ASXL2: variants seen among roughly 807,000 people sequenced by gnomAD.
ASXL2 encodes the protein putative Polycomb group protein ASXL2.
In ASXL2, 23 loss-of-function variants were observed where a neutral mutation model predicts 122.0. That is an observed-to-expected ratio of 0.19 (90% confidence interval 0.14 to 0.27). The LOEUF (loss-of-function observed/expected upper bound fraction) is 0.27, where lower values mean the gene tolerates loss of function less well. Ranked by LOEUF, ASXL2 falls within the 10% of genes least tolerant of loss-of-function variation. The pLI, the probability that ASXL2 is intolerant of heterozygous loss-of-function variation, is 1.00. For missense variants in ASXL2, 1,518 were observed against 1,713.8 expected (o/e 0.89, Z 2.02); for synonymous variants, 650 against 637.0 (o/e 1.02, Z -0.31).
At chr2:25,859,465 C>A (rs1336736899) in intron 1 of ASXL2, among the ~76,000 whole-genome samples, 4 of 152,060 alleles carry the variant, frequency 2.6e-5, no homozygotes, top group African/African-American at 9.7e-5. Flanking sequence ...TAGGTATATA[C>A]CTTAAATAAA....
intron 3 of ASXL2, among the ~76,000 whole-genome samples, chr2:25,807,675 A>G (rs1427382829): frequency 6.6e-6 from 1 of 152,210 alleles, no homozygotes; most frequent in African/African-American, 2.4e-5. Context: ...CTATTATTGA[A>G]GTAGTATGTT....
intron 1 of ASXL2, among the ~76,000 whole-genome samples, chr2:25,861,940 G>A (rs1574453389): frequency 1.3e-5 from 2 of 152,208 alleles, no homozygotes; most frequent in Middle Eastern, 6.8e-3. Flanking sequence ...GGCAGACTGG[G>A]GAAGATCAGA....
At chr2:25,746,765 C>A (rs1170399599) in intron 12 of ASXL2, among the ~76,000 whole-genome samples, 1 of 152,160 alleles carries the variant, frequency 6.6e-6, no homozygotes, top group Non-Finnish European at 1.5e-5. Context: ...AGCCCTATTA[C>A]CTGATTATGC....
At chr2:25,778,085 T>C (rs977262815) in intron 5 of ASXL2, among the ~76,000 whole-genome samples, 2 of 152,172 alleles carry the variant, frequency 1.3e-5, no homozygotes, top group African/African-American at 4.8e-5. Flanking sequence ...TTCAGAGTAA[T>C]GAATAGGTAA....
intron 3 of ASXL2, among the ~76,000 whole-genome samples, chr2:25,820,783 G>T (rs1228747079): frequency 2.0e-5 from 3 of 152,186 alleles, no homozygotes; most frequent in African/African-American, 7.2e-5. Context: ...AACACTTTGG[G>T]AGGCTGAGGT....
rs141481119 is a variant in ASXL2 at position 25,827,373 on chromosome 2, C to G, written c.143+8165G>C. Among the ~76,000 whole-genome samples the G allele has an allele frequency of 5.3e-3, 813 of 152,268 alleles. 6 individuals carry two copies. Among genetic ancestry groups the G allele is most frequent in the Non-Finnish European group, 7.7e-3 (523 of 68,018 alleles). On this transcript the variant is annotated intron_variant, in intron 3 of 12. Transcript: ENST00000435504. ...AAAACTGACCTCAACAGCACACTTA[C>G]ATTGGAAATTTCTAAATTACGTTTG...
chr2:25,790,288 G>T (rs775132504), intron 5 of ASXL2, among the ~76,000 whole-genome samples: 1 of 145,958 alleles, frequency 6.9e-6, no homozygotes, highest in African/African-American at 2.5e-5. Context: ...CTAGCTAACT[G>T]AGGTGGTGGT....
rs1372457457 is a variant in ASXL2 at position 25,743,881 on chromosome 2, C to T, written c.2456G>A (p.Ser819Asn). The part of the protein sequence containing the change: ...TRATATVASV[S>N]HPQGPSSCRQ... ...GCAACTACTGGGCCCTTGTGGATGG[C>T]TGACAGAGGCCACTGTGGCTGTTGC... Residue 819 changes from serine (S) to asparagine (N), a missense_variant, in exon 13 of 13, where the codon AGC becomes AAC. Coordinates refer to ENST00000435504, the MANE Select transcript of ASXL2 (RefSeq NM_018263.6). 6 of 1,613,880 alleles carry T rather than the reference C, an allele frequency of 3.7e-6. No homozygotes were observed. The highest frequency in any genetic ancestry group is 4.2e-6 in the Non-Finnish European group (5 of 1,179,902).
intron 5 of ASXL2, among the ~76,000 whole-genome samples, chr2:25,773,522 T>C (rs749528123): frequency 2.0e-5 from 3 of 151,380 alleles, no homozygotes; most frequent in Non-Finnish European, 4.4e-5. Flanking sequence ...AAAAATTAGC[T>C]GGGTGTGGTG....
rs1355199563 is a variant in ASXL2 at position 25,832,158 on chromosome 2, ACAGAC to A, written c.143+3375_143+3379del. Among the ~76,000 whole-genome samples the A allele has an allele frequency of 2.0e-5, 3 of 152,360 alleles. No individual in the cohort carries two copies. The East Asian group carries it at 5.8e-4, about 29-fold the overall frequency. On this transcript the variant is annotated intron_variant, in intron 3 of 12. Transcript: ENST00000435504. ...GAAAGAACAGGAATAGGTATATACC[ACAGAC>A]TATGCTTCTCATAAATTTTATAAAT...
chr2:25,803,286 T>C (rs1017442919), intron 4 of ASXL2, among the ~76,000 whole-genome samples: 17 of 152,252 alleles, frequency 1.1e-4, no homozygotes, highest in Non-Finnish European at 2.9e-5. Context: ...GCCATTCATC[T>C]GTATCTTTTG....
chr2:25,823,092 T>C (rs1347514366), intron 3 of ASXL2: 1 of 405,020 alleles, frequency 2.5e-6, no homozygotes, highest in East Asian at 6.7e-5. Flanking sequence ...CCTGCTTGTT[T>C]TTTTAAAAGG....
intron 5 of ASXL2, among the ~76,000 whole-genome samples, chr2:25,775,117 T>G (rs1426303433): frequency 6.7e-6 from 1 of 149,946 alleles, no homozygotes; most frequent in Non-Finnish European, 1.5e-5. Flanking sequence ...GTGTCCCCAC[T>G]CAAATCTCAT....
intron 5 of ASXL2, 90 bp from the exon 6 acceptor site, chr2:25,771,630 A>G: frequency 9.8e-7 from 1 of 1,025,436 alleles, no homozygotes; most frequent in South Asian, 1.6e-5. Context: ...TACCTGGAGT[A>G]AGAACTATGA....
intron 2 of ASXL2, 49 bp downstream of exon 2, chr2:25,845,432 A>C (rs2089638026): frequency 7.4e-7 from 1 of 1,348,500 alleles, no homozygotes; most frequent in African/African-American, 1.5e-5. Flanking sequence ...ACTACCAAAT[A>C]CTCTGATCAA....
intron 5 of ASXL2, among the ~76,000 whole-genome samples, chr2:25,797,912 T>C (rs557099739): frequency 4.5e-4 from 69 of 152,360 alleles, no homozygotes; most frequent in African/African-American, 1.5e-3. Context: ...TGAAAACTTA[T>C]GCACATACAA....
At chr2:25,857,179 T>C (rs1574451166) in intron 1 of ASXL2, among the ~76,000 whole-genome samples, 1 of 151,484 alleles carries the variant, frequency 6.6e-6, no homozygotes, top group African/African-American at 2.4e-5. Flanking sequence ...TGGTGAGCCA[T>C]GTGGTGAGCC....
chr2:25,784,863 A>ACT (rs924851696), intron 5 of ASXL2, among the ~76,000 whole-genome samples: 5 of 152,250 alleles, frequency 3.3e-5, no homozygotes, highest in African/African-American at 1.2e-4. Context: ...ATTCTGGTGT[A>ACT]CCAGAGGTTA....
At chr2:25,834,031 A>G (rs973024365) in intron 3 of ASXL2, among the ~76,000 whole-genome samples, 5 of 152,076 alleles carry the variant, frequency 3.3e-5, no homozygotes, top group Admixed American at 3.3e-4. Flanking sequence ...AGTTATTCAC[A>G]TTTGGTTCCT....
Sources: allele counts gnomAD v4.1 joint callset (sites outside exome capture counted in the v4.1 genomes callset), GRCh38; gene constraint gnomAD v4.1.1; transcripts MANE v1.5; gene names NCBI Gene and HGNC (gene_info 2026-07-23, HGNC 2026-07-21).